The following A2M variants were observed in gnomAD, a reference collection of about 807,000 sequenced individuals.
A2M encodes the protein C3 and PZP-like alpha-2-macroglobulin domain-containing protein 5.
A neutral mutation model predicts 183.9 loss-of-function variants in A2M; 128 were observed. That is an observed-to-expected ratio of 0.70 (90% CI 0.60 to 0.81). The LOEUF is 0.81. A2M is among the 30% of genes least tolerant of loss of function. The pLI, the probability that A2M is intolerant of heterozygous loss-of-function variation, is 0.00. For synonymous variants in A2M, 592 were observed against 670.8 expected, an observed-to-expected ratio of 0.88 and a Z score of 1.81; for missense variants, 1,495 against 1,787.6, an observed-to-expected ratio of 0.84 and a Z score of 2.95.
rs1009130913 is a variant in A2M at position 9,080,292 on chromosome 12, G to C, written c.2771-115C>G. The stretch of plus-strand genomic sequence containing the variant: ...CTTATACCTAAACTCCTCCTGAAAA[G>C]TTGTCCGCCTTTAATACAACAGTAA... On this transcript the variant is annotated intron_variant, in intron 22 of 35. Coordinates refer to ENST00000318602, the MANE Select transcript of A2M (RefSeq NM_000014.6). 60 of 566,676 alleles carry C rather than the reference G, an allele frequency of 1.1e-4. No individual in the cohort carries two copies. The highest frequency in any genetic ancestry group is 4.3e-5 in the Non-Finnish European group (14 of 323,336). 35.1% of individuals were successfully genotyped at this position (566,676 alleles called of 1,614,324 possible).
chr12:9,106,725 G>A (rs746010062), intron 8 of A2M, 120 bp from the exon 9 acceptor site: 8 of 467,018 alleles, frequency 1.7e-5, no homozygotes, highest in South Asian at 7.8e-5. Flanking sequence ...TTTCTATGAC[G>A]AGGACACAAT....
intron 22 of A2M, among the ~76,000 whole-genome samples, chr12:9,082,367 C>T (rs184288423): frequency 4.3e-4 from 66 of 152,292 alleles, no homozygotes; most frequent in African/African-American, 1.4e-3. Context: ...AGTACCCAGC[C>T]AGCAGCTCCA....
Position 9,110,317 on chromosome 12 carries a change from AATGTATACT to A in A2M, c.492_500del (p.Val165_Ile167del). The A allele has an allele frequency of 6.8e-7, 1 of 1,463,076 alleles. No individual in the cohort carries two copies. The highest frequency in any genetic ancestry group is 9.3e-7 in the Non-Finnish European group (1 of 1,081,014). The allele number at this position is 1,463,076 out of a possible 1,614,324, so 90.6% of individuals were successfully genotyped here. A position where few individuals can be genotyped will look rare whatever the true frequency, so the allele number is the denominator to read the frequency against. On this transcript the variant is annotated inframe_deletion, in exon 5 of 36. Coordinates refer to ENST00000318602, the MANE Select transcript of A2M (RefSeq NM_000014.6). ...TGGAATGTTTCATGTTGCTTACCTG[AATGTATACT>A]AGTGGAATCTGAAAGACAAAAGAAA...
At chr12:9,069,843 A>AAT in intron 32 of A2M, 30 bp from the exon 33 acceptor site, 1 of 1,604,766 alleles carries the variant, frequency 6.2e-7, no homozygotes, top group Non-Finnish European at 8.5e-7. Flanking sequence ...CACAAATGTT[A>AAT]ATAAATAGAT....
Position 9,068,881 on chromosome 12 carries a change from C to G in A2M, c.4264-39G>C, listed in dbSNP as rs373222109. The G allele has an allele frequency of 2.6e-4, 377 of 1,439,112 alleles. 1 individual carries two copies. Among genetic ancestry groups the G allele is most frequent in the Non-Finnish European group, 3.4e-4 (357 of 1,053,810 alleles). 89.1% of individuals were successfully genotyped at this position (1,439,112 alleles called of 1,614,324 possible). On this transcript the variant is annotated intron_variant, in intron 33 of 35. Coordinates refer to ENST00000318602, the MANE Select transcript of A2M (RefSeq NM_000014.6). ...GTCAATTAAATGACCTTTCAGGAAG[C>G]TTTCTTCTCTCTTTGAATTAGTTTA...
chr12:9,104,347 G>A lies in A2M; in HGVS notation c.1158C>T (p.Ile386=). The A allele has an allele frequency of 6.2e-7, 1 of 1,607,170 alleles. No homozygotes were observed. The highest frequency in any genetic ancestry group is 1.1e-5 in the South Asian group (1 of 89,642). ...AGTAATAGTTTGCTTCATTTCCTCT[G>A]ATGAATATGACTTTATTTGGTATAG... The part of the protein sequence containing the change: ...GVPIPNKVIF[I]RGNEANYYSN... The change falls in exon 11 of 36, where the codon ATC becomes ATT. Residue 386 remains isoleucine (I), a synonymous_variant. Coordinates refer to ENST00000318602, the MANE Select transcript of A2M (RefSeq NM_000014.6).
rs752227344 is a variant in A2M at position 9,095,041 on chromosome 12, G to A, written c.2057C>T (p.Pro686Leu). 1.3e-6 allele frequency: 2 copies of A among 1,596,378 alleles called. No homozygotes were observed. Among genetic ancestry groups the A allele is most frequent in the Non-Finnish European group, 1.7e-6 (2 of 1,170,418 alleles). The change falls in exon 17 of 36, where the codon CCC becomes CTC. Residue 686 changes from proline (P) to leucine (L), a missense_variant. Transcript: ENST00000318602. Reference sequence around the variant, plus strand: ...CTGTTGAAGCTGTGGACACATTTTGGGTTTACGAATCTTTGAGTTGGTGAA... The same window carrying A: ...CTGTTGAAGCTGTGGACACATTTTGAGTTTACGAATCTTTGAGTTGGTGAA... The part of the protein sequence containing the change: ...KAFTNSKIRK[P>L]KMCPQLQQYE...
chr12:9,113,375 G>A lies in A2M; in HGVS notation c.255C>T (p.His85=), dbSNP rs1433775346. The A allele has an allele frequency of 6.2e-7, 1 of 1,613,510 alleles. No homozygotes were observed. The highest frequency in any genetic ancestry group is 8.5e-7 in the Non-Finnish European group (1 of 1,179,874). The part of the protein sequence containing the change: ...TDLEAENDVL[H]CVAFAVPKSS... ...CCACACTCACAGCGAAGGCGACACAGTGGAGTACGTCATTCTCCGCCTCCA... is the reference window on the plus strand; with the variant it reads ...CCACACTCACAGCGAAGGCGACACAATGGAGTACGTCATTCTCCGCCTCCA... Residue 85 remains histidine, a synonymous_variant, in exon 2 of 36, where the codon CAC becomes CAT. Coordinates refer to ENST00000318602, the MANE Select transcript of A2M (RefSeq NM_000014.6).
chr12:9,110,301 T>A lies in A2M; in HGVS notation c.504+13A>T. 1 of 1,467,946 alleles carries A rather than the reference T, an allele frequency of 6.8e-7. No homozygotes were observed. The highest frequency in any genetic ancestry group is 1.3e-5 in the South Asian group (1 of 77,566). 90.9% of individuals were successfully genotyped at this position (1,467,946 alleles called of 1,614,324 possible). The stretch of plus-strand genomic sequence containing the variant: ...TGCTTTCCTTTTAATATGGAATGTT[T>A]CATGTTGCTTACCTGAATGTATACT... On this transcript the variant is annotated intron_variant, in intron 5 of 35. Coordinates refer to ENST00000318602, the MANE Select transcript of A2M (RefSeq NM_000014.6).
intron 5 of A2M, 77 bp from the exon 6 acceptor site, chr12:9,110,112 T>G (rs1026312100): frequency 1.4e-5 from 21 of 1,480,058 alleles, no homozygotes; most frequent in Admixed American, 2.1e-5. Context: ...ATGGAAACCC[T>G]AAGTTATCTA....
chr12:9,085,900 A>G (rs188420353), intron 22 of A2M, among the ~76,000 whole-genome samples: 153 of 152,348 alleles, frequency 1.0e-3, no homozygotes, highest in African/African-American at 3.0e-3. Flanking sequence ...TCTAGAAGAA[A>G]TGAATGCATT....
At position 9,101,190 on chromosome 12, in the gene A2M, G is replaced by A; in HGVS notation, c.1512C>T (p.Gly504=). 1 of 1,560,062 alleles carries A rather than the reference G, an allele frequency of 6.4e-7. No individual in the cohort carries two copies. The change falls in exon 13 of 36, where the codon GGC becomes GGT. Residue 504 remains glycine (G), a synonymous_variant. Coordinates refer to ENST00000318602, the MANE Select transcript of A2M (RefSeq NM_000014.6). ...SFYYLIMAKG[G]IVRTGTHGLL... ...GTCCATGAGTCCCAGTTCGGACAAT[G>A]CCTCCCTTTGCCATTATCTGCAAAA...
intron 29 of A2M, among the ~76,000 whole-genome samples, chr12:9,074,315 G>T (rs1411825710): frequency 6.6e-6 from 1 of 152,170 alleles, no homozygotes; most frequent in Non-Finnish European, 1.5e-5. Flanking sequence ...GGAAGGCAGT[G>T]TTGTTATGGG....
rs59647548 is a variant in A2M, at chr12:9,094,340, C to CATATATAT, written c.2125+625_2125+632dup. On this transcript the variant is annotated intron_variant, in intron 17 of 35. Coordinates refer to ENST00000318602, the MANE Select transcript of A2M (RefSeq NM_000014.6). Reference sequence around the variant, plus strand: ...CAGCTCTCTGGAAAAAAAAATTGTGCATATATATATATATATATATATATA... The same window carrying CATATATAT: ...CAGCTCTCTGGAAAAAAAAATTGTGCATATATATATATATATATATATATATATATATA... Among the ~76,000 whole-genome samples the CATATATAT allele has an allele frequency of 6.8e-3, 664 of 96,940 alleles. 7 individuals are homozygous for CATATATAT. Among genetic ancestry groups the CATATATAT allele is most frequent in the East Asian group, 0.018 (47 of 2,664 alleles). The allele number at this position is 96,940 out of a possible 152,430, so 63.6% of individuals were successfully genotyped here.
In A2M at chr12:9,095,593, G is replaced by T. The variant is rs1274654165; in HGVS notation, c.1959C>A (p.Ile653=). The change falls in exon 16 of 36, where the codon ATC becomes ATA. Residue 653 remains isoleucine, a synonymous_variant. Coordinates refer to ENST00000318602, the MANE Select transcript of A2M (RefSeq NM_000014.6). The part of the protein sequence containing the change: ...INRHNVYING[I]TYTPVSSTNE... The stretch of plus-strand genomic sequence containing the variant: ...TTGTACTTGATACTGGAGTATATGT[G>T]ATTCCATTAATATAGACATTATGAC... 1.2e-6 allele frequency: 2 copies of T among 1,611,964 alleles called. No homozygotes were observed. Among genetic ancestry groups the T allele is most frequent in the African/African-American group, 1.3e-5 (1 of 74,950 alleles).
rs369403894 is a variant in A2M, at chr12:9,091,384, G to C, written c.2286C>G (p.Ile762Met). 6.2e-6 allele frequency: 10 copies of C among 1,614,074 alleles called. No homozygotes were observed. Among genetic ancestry groups the C allele is most frequent in the African/African-American group, 5.3e-5 (4 of 74,920 alleles). Residue 762 changes from isoleucine (I) to methionine (M), a missense_variant, in exon 19 of 36, where the codon ATC becomes ATG. Physicochemically the swap from Ile to Met is conservative, Grantham distance 10. Coordinates refer to ENST00000318602, the MANE Select transcript of A2M (RefSeq NM_000014.6). ...AEVGVTVPDT[I>M]TEWKAGAFCL... ...AGAAGGCCCCTGCCTTCCACTCGGTGATGGTGTCAGGGACTGTTACTCCTA... is the reference window on the plus strand; with the variant it reads ...AGAAGGCCCCTGCCTTCCACTCGGTCATGGTGTCAGGGACTGTTACTCCTA...
At position 9,113,416 on chromosome 12, in the gene A2M, T is replaced by G; in HGVS notation, c.214A>C (p.Ser72Arg). ...ASLESVRGNR[S>R]LFTDLEAEND... ...TCCGCCTCCAGGTCAGTGAAGAGGC[T>G]CCTGTTTCCCCTGACAGACTCCAAG... The change falls in exon 2 of 36, where the codon AGC (serine) becomes CGC (arginine). Residue 72 changes from serine (S) to arginine (R), a missense_variant. Transcript: ENST00000318602. 1 of 1,613,712 alleles carries G rather than the reference T, an allele frequency of 6.2e-7. No individual in the cohort carries two copies. The highest frequency in any genetic ancestry group is 1.3e-5 in the African/African-American group (1 of 74,848).
At position 9,074,745 on chromosome 12, in the gene A2M, C is replaced by G; in HGVS notation, c.3571G>C (p.Ala1191Pro). 6.2e-7 allele frequency: 1 copy of G among 1,613,634 alleles called. No individual in the cohort carries two copies. ...GGTTCGTAAAAATGCCCCACTGGTG[C>G]CTTGGGTTTCTGAGGGCGCTCCCAA... Reference protein sequence around the residue: ...VHWERPQKPKAPVGHFYEPQA... With the variant: ...VHWERPQKPKPPVGHFYEPQA... Residue 1191 changes from alanine to proline, a missense_variant, in exon 29 of 36, where the codon GCA becomes CCA. Transcript: ENST00000318602.
intron 35 of A2M, 64 bp downstream of exon 35, chr12:9,068,119 A>G (rs775804455): frequency 3.2e-6 from 5 of 1,547,662 alleles, no homozygotes; most frequent in Non-Finnish European, 3.5e-6. Flanking sequence ...TTTATGAAGG[A>G]GAAGGTTTGG....
Sources: allele counts gnomAD v4.1 joint callset (sites outside exome capture counted in the v4.1 genomes callset), GRCh38; gene constraint gnomAD v4.1.1; transcripts MANE v1.5; gene names NCBI Gene and HGNC (gene_info 2026-07-23, HGNC 2026-07-21).